The following MPZL1 variants were observed in gnomAD, a reference collection of about 807,000 sequenced individuals.
MPZL1 encodes myelin protein zero like 1.
Under a neutral mutation model 29.3 loss-of-function variants are expected in MPZL1, and 16 were observed. That is an observed-to-expected ratio of 0.55 (90% CI 0.37 to 0.83). The LOEUF (loss-of-function observed/expected upper bound fraction) is 0.83. Ranked by LOEUF, MPZL1 falls within the 40% of genes least tolerant of loss-of-function variation. MPZL1 has a pLI of 0.00. For synonymous variants in MPZL1, 143 were observed against 132.0 expected, an observed-to-expected ratio of 1.08 and a Z score of -0.57; for missense variants, 279 against 332.9, an observed-to-expected ratio of 0.84 and a Z score of 1.26.
At chr1:167,775,759 G>T (rs1191039602) in intron 4 of MPZL1, among the ~76,000 whole-genome samples, 1 of 152,154 alleles carries the variant, frequency 6.6e-6, no homozygotes, top group Non-Finnish European at 1.5e-5. Context: ...AACAGCAAAA[G>T]GATAAATGTG....
rs530408670 is a variant in MPZL1 at position 167,758,401 on chromosome 1, C to T, written c.92-7182C>T. On this transcript the variant is annotated intron_variant, in intron 1 of 5. Coordinates refer to ENST00000359523, the MANE Select transcript of MPZL1 (RefSeq NM_003953.6). ...GCATGTAGTTGGGAGACATTATTTACTCTATTGTTTCAGTAATTCAGAATA... is the reference window on the plus strand; with the variant it reads ...GCATGTAGTTGGGAGACATTATTTATTCTATTGTTTCAGTAATTCAGAATA... Among the ~76,000 whole-genome samples the T allele has an allele frequency of 5.3e-5, 8 of 152,240 alleles. No homozygotes were observed. The South Asian group carries it at 1.7e-3, about 32-fold the overall frequency.
At chr1:167,727,214 C>G (rs781423750) in intron 1 of MPZL1, among the ~76,000 whole-genome samples, 3 of 152,174 alleles carry the variant, frequency 2.0e-5, no homozygotes, top group Non-Finnish European at 2.9e-5. Context: ...CCCCTCTATC[C>G]AGTAGATGCT....
At chr1:167,786,842 G>C (rs546343932) in intron 5 of MPZL1, among the ~76,000 whole-genome samples, 2 of 152,306 alleles carry the variant, frequency 1.3e-5, no homozygotes, top group East Asian at 3.9e-4. Flanking sequence ...CCCTAGATTG[G>C]GAGAAAAGTT....
At chr1:167,738,213 C>G (rs988883341) in intron 1 of MPZL1, among the ~76,000 whole-genome samples, 4 of 151,982 alleles carry the variant, frequency 2.6e-5, no homozygotes, top group African/African-American at 9.7e-5. Context: ...AGTGAGCCAC[C>G]GCGCCTGGCC....
intron 1 of MPZL1, among the ~76,000 whole-genome samples, chr1:167,759,535 T>C (rs908024263): frequency 3.3e-5 from 5 of 152,208 alleles, no homozygotes; most frequent in Non-Finnish European, 2.9e-5. Flanking sequence ...AGAACACTTC[T>C]GACAAGATGC....
chr1:167,771,385 T>G (rs1661244480), intron 2 of MPZL1, among the ~76,000 whole-genome samples: 1 of 152,194 alleles, frequency 6.6e-6, no homozygotes, highest in Non-Finnish European at 1.5e-5. Context: ...GTCTCCTATG[T>G]CTACTTCTTT....
At chr1:167,752,689 C>G (rs953635731) in intron 1 of MPZL1, among the ~76,000 whole-genome samples, 1 of 152,122 alleles carries the variant, frequency 6.6e-6, no homozygotes, top group Admixed American at 6.5e-5. Context: ...CTCTTTCTGG[C>G]AGTGATGAAT....
chr1:167,745,946 G>A (rs1210892916), intron 1 of MPZL1, among the ~76,000 whole-genome samples: 1 of 152,000 alleles, frequency 6.6e-6, no homozygotes, highest in East Asian at 1.9e-4. Context: ...ACAATTGTTG[G>A]CGAGTCATAG....
rs79262840 is a variant in MPZL1 at position 167,740,535 on chromosome 1, G to A, written c.91+18293G>A. On this transcript the variant is annotated intron_variant, in intron 1 of 5. Coordinates refer to ENST00000359523, the MANE Select transcript of MPZL1 (RefSeq NM_003953.6). Reference sequence around the variant, plus strand: ...CCCTCTCACAGTCTGCTCCCTTTCCGCCACCTTTTCAGGGTCTTTTCTCCC... The same window carrying A: ...CCCTCTCACAGTCTGCTCCCTTTCCACCACCTTTTCAGGGTCTTTTCTCCC... Among the ~76,000 whole-genome samples the A allele has an allele frequency of 1.8e-3, 273 of 151,906 alleles. 2 individuals are homozygous for A. Among genetic ancestry groups the A allele is most frequent in the African/African-American group, 5.7e-3 (235 of 41,402 alleles).
intron 1 of MPZL1, among the ~76,000 whole-genome samples, chr1:167,724,464 TGAA>T (rs373989540): frequency 1.3e-5 from 2 of 152,128 alleles, no homozygotes; most frequent in African/African-American, 2.4e-5. Flanking sequence ...GGGAGGATGA[TGAA>T]GATCTGAATT....
chr1:167,722,186 C>G lies in MPZL1; in HGVS notation c.35C>G (p.Ala12Gly). 1 of 1,237,802 alleles carries G rather than the reference C, an allele frequency of 8.1e-7. No individual in the cohort carries two copies. Among genetic ancestry groups the G allele is most frequent in the Non-Finnish European group, 1.0e-6 (1 of 987,836 alleles). The allele number at this position is 1,237,802 out of a possible 1,614,324, so 76.7% of individuals were successfully genotyped here. ...TCCGCCGGAGCCGGGGCGGTGATTG[C>G]AGCCCCAGACAGCCGGCGCTGGCTG... Reference protein sequence around the residue: ...AASAGAGAVIAAPDSRRWLWS... With the variant: ...AASAGAGAVIGAPDSRRWLWS... The change falls in exon 1 of 6, where the codon GCA becomes GGA. Residue 12 changes from alanine to glycine, a missense_variant. Physicochemically the swap from Ala to Gly is moderately conservative, Grantham distance 60. Coordinates refer to ENST00000359523, the MANE Select transcript of MPZL1 (RefSeq NM_003953.6).
At chr1:167,728,170 G>C (rs1188245483) in intron 1 of MPZL1, among the ~76,000 whole-genome samples, 5 of 151,272 alleles carry the variant, frequency 3.3e-5, no homozygotes, top group Admixed American at 2.6e-4. Flanking sequence ...CTGCCGAGTA[G>C]CTGGGATTAC....
chr1:167,730,949 T>C (rs896228255), intron 1 of MPZL1, among the ~76,000 whole-genome samples: 5 of 152,242 alleles, frequency 3.3e-5, no homozygotes, highest in African/African-American at 1.2e-4. Context: ...GTCTGTTAAC[T>C]CTTGGGAACT....
At chr1:167,738,317 G>A (rs4657703) in intron 1 of MPZL1, among the ~76,000 whole-genome samples, 22,889 of 152,020 alleles carry the variant, frequency 0.15, 2,180 homozygotes, top group African/African-American at 0.27. Flanking sequence ...CGCTAATGTT[G>A]AATTGAAAGA....
Position 167,776,153 on chromosome 1 carries a change from C to T in MPZL1, c.695C>T (p.Ser232Phe), listed in dbSNP as rs201934009. The change falls in exon 5 of 6, where the codon TCT becomes TTT. Residue 232 changes from serine to phenylalanine, a missense_variant. Transcript: ENST00000359523. ...GAGGGTCTTGTAAAGAGTCTGCCTT[C>T]TGGATCTCACCAGGTAATGGCTGAT... ...DTEGLVKSLPSGSHQGPVIYA... is the reference protein window; with the variant it reads ...DTEGLVKSLPFGSHQGPVIYA... The T allele has an allele frequency of 6.2e-7, 1 of 1,612,014 alleles. No individual in the cohort carries two copies. The highest frequency in any genetic ancestry group is 8.5e-7 in the Non-Finnish European group (1 of 1,178,656).
At chr1:167,787,725 C>A in intron 5 of MPZL1, 95 bp from the exon 6 acceptor site, 7 of 881,274 alleles carry the variant, frequency 7.9e-6, no homozygotes, top group Non-Finnish European at 1.3e-5. Flanking sequence ...GCTTTGGAAC[C>A]CTGATGTGAT....
At chr1:167,744,809 G>A (rs1370960171) in intron 1 of MPZL1, among the ~76,000 whole-genome samples, 6 of 151,480 alleles carry the variant, frequency 4.0e-5, no homozygotes, top group Admixed American at 6.6e-5. Context: ...CACTTGTTTC[G>A]TTAAATTTAT....
chr1:167,722,014 T>G lies in MPZL1; in HGVS notation c.-138T>G, dbSNP rs1660037266. On this transcript the variant is annotated 5_prime_UTR_variant, in exon 1 of 6. Coordinates refer to ENST00000359523, the MANE Select transcript of MPZL1 (RefSeq NM_003953.6). The stretch of plus-strand genomic sequence containing the variant: ...TGGAGAGCCGCGGCTGGGACCGGAG[T>G]GGGGAGCGCGGCGTGGAGGTGCCAC... 7 of 1,175,362 alleles carry G rather than the reference T, an allele frequency of 6.0e-6. No individual in the cohort carries two copies. The highest frequency in any genetic ancestry group is 6.4e-5 in the East Asian group (2 of 31,242). The allele number at this position is 1,175,362 out of a possible 1,614,324, so 72.8% of individuals were successfully genotyped here.
intron 1 of MPZL1, among the ~76,000 whole-genome samples, chr1:167,755,218 G>A (rs1660843480): frequency 1.3e-5 from 2 of 152,038 alleles, no homozygotes; most frequent in Admixed American, 1.3e-4. Flanking sequence ...TGGAGGAGAG[G>A]AATATATTCT....
Sources: allele counts gnomAD v4.1 joint callset (sites outside exome capture counted in the v4.1 genomes callset), GRCh38; gene constraint gnomAD v4.1.1; transcripts MANE v1.5; gene names NCBI Gene and HGNC (gene_info 2026-07-23, HGNC 2026-07-21).